Variants in GCNT1 observed in about 807,000 individuals in gnomAD.
The protein encoded by GCNT1 is beta-1,3-galactosyl-O-glycosyl-glycoprotein beta-1,6-N-acetylglucosaminyltransferase.
GCNT1 carries 16 observed loss-of-function variants against 26.2 expected under a neutral mutation model. That is an observed-to-expected ratio of 0.61 (90% CI 0.41 to 0.93). The LOEUF is 0.93. GCNT1 is among the 40% of genes least tolerant of loss of function. The probability of loss-of-function intolerance (pLI) is 0.00; values close to 1 mark genes in which losing one functional copy is unlikely to be tolerated. For missense variants in GCNT1, 477 were observed against 526.7 expected (o/e 0.91, Z 0.92); for synonymous variants, 183 against 190.8 (o/e 0.96, Z 0.34).
upstream of GCNT1, among the ~76,000 whole-genome samples, chr9:76,454,386 G>GA (rs71372084): frequency 0.31 from 12,222 of 39,678 alleles, 2,078 homozygotes; most frequent in Non-Finnish European, 0.38. Context: ...TCTCAGAAAA[G>GA]AAAAAAAAAA....
chr9:76,425,878 C>A (rs1823252615), intron 1 of GCNT1, among the ~76,000 whole-genome samples: 2 of 152,096 alleles, frequency 1.3e-5, no homozygotes, highest in Admixed American at 6.6e-5. Context: ...GCCACAAGAT[C>A]AGATGAACCA....
chr9:76,472,834 T>TC (rs1824169172), intron 2 of GCNT1, among the ~76,000 whole-genome samples: 1 of 150,434 alleles, frequency 6.6e-6, no homozygotes, highest in Non-Finnish European at 1.5e-5. Context: ...CTGCAACTTC[T>TC]GCCTCCCAGA....
intron 1 of GCNT1, among the ~76,000 whole-genome samples, chr9:76,432,865 A>G (rs1221494078): frequency 6.6e-6 from 1 of 151,850 alleles, no homozygotes; most frequent in Non-Finnish European, 1.5e-5. Flanking sequence ...TTTTATATAT[A>G]CCTTCTCTTT....
At chr9:76,499,513 A>T (rs1825005471) in intron 2 of GCNT1, among the ~76,000 whole-genome samples, 1 of 152,046 alleles carries the variant, frequency 6.6e-6, no homozygotes, top group South Asian at 2.1e-4. Flanking sequence ...CATTTTCAGG[A>T]TTTGTTGTAT....
upstream of GCNT1, among the ~76,000 whole-genome samples, chr9:76,417,090 C>T (rs981426871): frequency 2.0e-5 from 3 of 152,126 alleles, no homozygotes; most frequent in African/African-American, 7.2e-5. Flanking sequence ...AAATGTGTCA[C>T]TTATCTGCCT....
intron 1 of GCNT1, among the ~76,000 whole-genome samples, chr9:76,434,490 G>A (rs1254376521): frequency 6.6e-6 from 1 of 152,164 alleles, no homozygotes; most frequent in East Asian, 1.9e-4. Context: ...ATCTTTGTAA[G>A]CTGCGGATGT....
intron 1 of GCNT1, chr9:76,420,767 C>G (rs1823179338): frequency 6.6e-6 from 1 of 151,950 alleles, no homozygotes; most frequent in Non-Finnish European, 1.5e-5. Flanking sequence ...GACCTCTTCT[C>G]TACTAAAAAT....
chr9:76,485,715 A>G (rs1587445588), intron 2 of GCNT1, among the ~76,000 whole-genome samples: 2 of 148,928 alleles, frequency 1.3e-5, no homozygotes, highest in Admixed American at 6.8e-5. Flanking sequence ...GGGTCCCTTG[A>G]TTACTGGATC....
chr9:76,501,820 GA>G (rs36047120), intron 3 of GCNT1: 124,462 of 152,072 alleles, frequency 0.82, 51,571 homozygotes, highest in African/African-American at 0.94. Flanking sequence ...ACGATTTCAA[GA>G]ACAAGGGGTG....
chr9:76,396,465 AAAAG>A, the GCNT1 span, among the ~76,000 whole-genome samples: 5 of 151,972 alleles, frequency 3.3e-5, no homozygotes, highest in Admixed American at 6.6e-5. Context: ...AAAGAGAGAA[AAAAG>A]AAAGAAAAGA....
intron 2 of GCNT1, among the ~76,000 whole-genome samples, chr9:76,488,954 T>G (rs72747367): frequency 0.11 from 17,116 of 152,228 alleles, 1,075 homozygotes; most frequent in Middle Eastern, 0.19. Flanking sequence ...TCATTTTATT[T>G]TTTTGCTCAC....
intron 2 of GCNT1, among the ~76,000 whole-genome samples, chr9:76,463,077 A>T (rs1823909416): frequency 6.6e-6 from 1 of 152,212 alleles, no homozygotes; most frequent in African/African-American, 2.4e-5. Flanking sequence ...TGTATGATAT[A>T]ATTTATATCA....
At chr9:76,462,157 T>A (rs1233180505) in intron 2 of GCNT1, among the ~76,000 whole-genome samples, 1 of 144,542 alleles carries the variant, frequency 6.9e-6, no homozygotes, top group Non-Finnish European at 1.5e-5. Flanking sequence ...TTTTTTTTTT[T>A]ATAGAGCCAA....
chr9:76,407,459 T>G, the GCNT1 span, among the ~76,000 whole-genome samples: 1 of 152,316 alleles, frequency 6.6e-6, no homozygotes, highest in African/African-American at 2.4e-5. Flanking sequence ...TCTGTTCTAT[T>G]GATCTATTTG....
At chr9:76,435,566 G>T (rs1823396840) in intron 1 of GCNT1, among the ~76,000 whole-genome samples, 1 of 152,180 alleles carries the variant, frequency 6.6e-6, no homozygotes, top group Admixed American at 6.5e-5. Context: ...TCTCTTTCTG[G>T]TTTGTTGATG....
At chr9:76,438,030 A>T (rs2131579872), upstream of GCNT1, among the ~76,000 whole-genome samples, 1 of 152,374 alleles carries the variant, frequency 6.6e-6, no homozygotes, top group South Asian at 2.1e-4. Context: ...TTCCTAGAAC[A>T]AATAAAATTT....
chr9:76,490,212 C>T (rs1161074032), intron 2 of GCNT1, among the ~76,000 whole-genome samples: 1 of 152,196 alleles, frequency 6.6e-6, no homozygotes, highest in African/African-American at 2.4e-5. Flanking sequence ...CACTCTTTCC[C>T]TAAGAAGGTG....
At position 76,502,796 on chromosome 9, in the gene GCNT1, C is replaced by T. The variant is rs140433187; in HGVS notation, c.415C>T (p.Leu139=). Residue 139 remains leucine, a synonymous_variant, in exon 4 of 4, where the codon CTG becomes TTG. Coordinates refer to ENST00000376730, the MANE Select transcript of GCNT1 (RefSeq NM_001490.5). ...VHHKIEMLDR[L]LRAIYMPQNF... The stretch of plus-strand genomic sequence containing the variant: ...TCACAAGATTGAAATGCTTGACAGG[C>T]TGCTGAGGGCCATCTATATGCCTCA... The T allele has an allele frequency of 1.2e-6, 2 of 1,614,008 alleles. No homozygotes were observed. Among genetic ancestry groups the T allele is most frequent in the Non-Finnish European group, 1.7e-6 (2 of 1,179,990 alleles).
chr9:76,417,642 G>A (rs1482586040), upstream of GCNT1, among the ~76,000 whole-genome samples: 2 of 152,214 alleles, frequency 1.3e-5, no homozygotes, highest in African/African-American at 4.8e-5. Context: ...CTCCTTTGGT[G>A]GGTGGGGGAG....
Sources: allele counts gnomAD v4.1 joint callset (sites outside exome capture counted in the v4.1 genomes callset), GRCh38; gene constraint gnomAD v4.1.1; transcripts MANE v1.5; gene names NCBI Gene and HGNC (gene_info 2026-07-23, HGNC 2026-07-21).